The following LRRTM4 variants were observed in gnomAD, a reference collection of about 807,000 sequenced individuals.
LRRTM4 encodes the protein leucine-rich repeat transmembrane neuronal protein 4.
Under a neutral mutation model 47.6 loss-of-function variants are expected in LRRTM4, and 25 were observed. That is an observed-to-expected ratio of 0.53 (90% CI 0.38 to 0.73). The LOEUF is 0.73. LRRTM4 is among the 30% of genes least tolerant of loss of function. The probability of loss-of-function intolerance (pLI) is 0.00; values close to 1 mark genes in which losing one functional copy is unlikely to be tolerated. For synonymous variants in LRRTM4, 311 were observed against 269.5 expected (o/e 1.15, Z -1.51); for missense variants, 638 against 713.4 (o/e 0.89, Z 1.20).
chr2:76,748,793 C>T lies in LRRTM4; in HGVS notation c.1675G>A (p.Glu559Lys). The T allele has an allele frequency of 5.0e-6, 8 of 1,613,998 alleles. No homozygotes were observed. Among genetic ancestry groups the T allele is most frequent in the South Asian group, 1.1e-5 (1 of 91,082 alleles). ...CGGCCCAGCTCCAGGCCGGGGCTTT[C>T]GTCCTGCTCTGGAGACACTGTCTCA... ...GYETVSPEQD[E>K]SPGLELGRDH... The change falls in exon 4 of 4, where the codon GAA becomes AAA. Residue 559 changes from glutamate to lysine, a missense_variant. Coordinates refer to ENST00000409884, the MANE Select transcript of LRRTM4 (RefSeq NM_001134745.3).
chr2:77,458,039 G>A (rs1302885565), intron 3 of LRRTM4, among the ~76,000 whole-genome samples: 1 of 152,106 alleles, frequency 6.6e-6, no homozygotes, highest in Non-Finnish European at 1.5e-5. Flanking sequence ...ATGCCAAATC[G>A]TTCATAAGGA....
chr2:76,957,984 T>C (rs145788942), intron 3 of LRRTM4, among the ~76,000 whole-genome samples: 18 of 151,792 alleles, frequency 1.2e-4, no homozygotes, highest in African/African-American at 4.1e-4. Context: ...AAGTCTTTTA[T>C]TGTTATTTGT....
chr2:77,140,420 A>T (rs899758175), intron 3 of LRRTM4, among the ~76,000 whole-genome samples: 4 of 152,218 alleles, frequency 2.6e-5, no homozygotes, highest in African/African-American at 9.6e-5. Context: ...CTGGCTAGCC[A>T]TATGTAGAAA....
At chr2:76,846,631 G>A (rs1348210566) in intron 3 of LRRTM4, among the ~76,000 whole-genome samples, 2 of 151,900 alleles carry the variant, frequency 1.3e-5, no homozygotes, top group African/African-American at 4.8e-5. Flanking sequence ...AAATATATAT[G>A]GATAGTTGAA....
At chr2:77,302,630 T>C (rs1677160515) in intron 3 of LRRTM4, among the ~76,000 whole-genome samples, 1 of 152,224 alleles carries the variant, frequency 6.6e-6, no homozygotes, top group Admixed American at 6.5e-5. Flanking sequence ...TGATTTATAA[T>C]GTCCCATGGG....
intron 3 of LRRTM4, among the ~76,000 whole-genome samples, chr2:77,394,664 G>A (rs909785579): frequency 2.0e-5 from 3 of 151,884 alleles, no homozygotes; most frequent in Admixed American, 6.6e-5. Context: ...CATGAAGGGC[G>A]TCCTAACACA....
At chr2:77,107,818 C>CAA (rs768875970) in intron 3 of LRRTM4, among the ~76,000 whole-genome samples, 4,494 of 57,640 alleles carry the variant, frequency 0.078, 232 homozygotes, top group African/African-American at 0.19. Context: ...AAATCCAACT[C>CAA]AAAAAAAAAA....
At chr2:77,104,776 G>A (rs538732532) in intron 3 of LRRTM4, among the ~76,000 whole-genome samples, 1 of 152,248 alleles carries the variant, frequency 6.6e-6, no homozygotes, top group South Asian at 2.1e-4. Context: ...TCAGAGGTGA[G>A]CGCCAGGGTA....
At chr2:76,944,824 T>C (rs1675269665) in intron 3 of LRRTM4, among the ~76,000 whole-genome samples, 1 of 151,810 alleles carries the variant, frequency 6.6e-6, no homozygotes. Context: ...GTAAAAAGAG[T>C]CTCGGAGTGA....
chr2:76,954,362 G>C (rs927598282), intron 3 of LRRTM4, among the ~76,000 whole-genome samples: 1 of 151,500 alleles, frequency 6.6e-6, no homozygotes, highest in African/African-American at 2.4e-5. Flanking sequence ...TAATAACAAA[G>C]CAACCAACAA....
chr2:76,763,154 G>A (rs1206302507), intron 3 of LRRTM4, among the ~76,000 whole-genome samples: 2 of 152,044 alleles, frequency 1.3e-5, no homozygotes, highest in African/African-American at 2.4e-5. Flanking sequence ...ATTTACTAGG[G>A]AATTTATTCT....
chr2:77,422,351 C>T (rs1347333450), intron 3 of LRRTM4, among the ~76,000 whole-genome samples: 1 of 152,078 alleles, frequency 6.6e-6, no homozygotes, highest in East Asian at 1.9e-4. Context: ...GAGCAAAACA[C>T]CATATAAGCC....
At chr2:77,507,715 G>A (rs1371188099) in intron 3 of LRRTM4, among the ~76,000 whole-genome samples, 1 of 152,006 alleles carries the variant, frequency 6.6e-6, no homozygotes, top group African/African-American at 2.4e-5. Flanking sequence ...AAGTGGTTGA[G>A]AATATTTGGT....
intron 3 of LRRTM4, among the ~76,000 whole-genome samples, chr2:77,465,774 G>C (rs1338133574): frequency 6.6e-6 from 1 of 152,108 alleles, no homozygotes; most frequent in African/African-American, 2.4e-5. Flanking sequence ...AGAATACAAT[G>C]GTTGCAAAGT....
chr2:77,012,851 A>G (rs778840190), intron 3 of LRRTM4, among the ~76,000 whole-genome samples: 1 of 152,226 alleles, frequency 6.6e-6, no homozygotes, highest in Non-Finnish European at 1.5e-5. Context: ...CACCACGGAT[A>G]TATAATACCA....
intron 3 of LRRTM4, among the ~76,000 whole-genome samples, chr2:77,101,486 C>G (rs1670950915): frequency 6.6e-6 from 1 of 152,034 alleles, no homozygotes; most frequent in Admixed American, 6.6e-5. Context: ...TATATTATGC[C>G]AAGCAATATA....
intron 3 of LRRTM4, among the ~76,000 whole-genome samples, chr2:77,487,403 C>T (rs540041778): frequency 2.0e-5 from 3 of 152,240 alleles, no homozygotes; most frequent in African/African-American, 7.2e-5. Context: ...CTGTCATGAT[C>T]CGGCTGGGTG....
At chr2:77,408,311 C>T (rs962479984) in intron 3 of LRRTM4, among the ~76,000 whole-genome samples, 1 of 152,096 alleles carries the variant, frequency 6.6e-6, no homozygotes, top group Non-Finnish European at 1.5e-5. Flanking sequence ...TATCTGCTAT[C>T]TAATTTAGTA....
chr2:77,281,394 G>A (rs1257982320), intron 3 of LRRTM4, among the ~76,000 whole-genome samples: 1 of 151,862 alleles, frequency 6.6e-6, no homozygotes, highest in Non-Finnish European at 1.5e-5. Context: ...CTTAATTTGA[G>A]CTTCTATCTA....
Sources: allele counts gnomAD v4.1 joint callset (sites outside exome capture counted in the v4.1 genomes callset), GRCh38; gene constraint gnomAD v4.1.1; transcripts MANE v1.5; gene names NCBI Gene and HGNC (gene_info 2026-07-23, HGNC 2026-07-21).